Variants in SLC8A1 observed in about 807,000 individuals in gnomAD.
SLC8A1 encodes sodium/calcium exchanger 1.
Under a neutral mutation model 68.3 loss-of-function variants are expected in SLC8A1, and 18 were observed. The ratio of observed to expected loss-of-function variants is 0.26; its 90% CI spans 0.18 to 0.39. The LOEUF (loss-of-function observed/expected upper bound fraction) is 0.39. Among genes scored for constraint, SLC8A1 ranks in the 10% least tolerant of loss-of-function variants. The pLI is 1.00. For missense variants in SLC8A1, 985 were observed against 1,156.7 expected (o/e 0.85, Z 2.15); for synonymous variants, 475 against 415.5 (o/e 1.14, Z -1.74).
intron 1 of SLC8A1, among the ~76,000 whole-genome samples, chr2:40,478,873 G>A (rs563667148): frequency 2.6e-5 from 4 of 151,776 alleles, no homozygotes; most frequent in Admixed American, 1.3e-4. Flanking sequence ...CTGGGTTCAA[G>A]CAATTCTCAT....
chr2:40,192,364 A>AC (rs2052037557), intron 2 of SLC8A1, among the ~76,000 whole-genome samples: 1 of 151,800 alleles, frequency 6.6e-6, no homozygotes. Flanking sequence ...CTCCTTTTAG[A>AC]GTTTTTTTTA....
chr2:40,186,514 A>G (rs1312292005), intron 2 of SLC8A1, among the ~76,000 whole-genome samples: 4 of 152,202 alleles, frequency 2.6e-5, no homozygotes, highest in Non-Finnish European at 5.9e-5. Flanking sequence ...TTCAAGTGGA[A>G]TAAGGACAGG....
At chr2:40,097,816 A>T (rs1433773522) in exon 8 of SLC8A1, 3 of 152,012 alleles carry the variant, frequency 2.0e-5, no homozygotes. Flanking sequence ...TATTGGTGAT[A>T]TGGCAGCTGC....
At chr2:40,297,012 T>C (rs926313870) in intron 2 of SLC8A1, among the ~76,000 whole-genome samples, 2 of 152,092 alleles carry the variant, frequency 1.3e-5, no homozygotes, top group African/African-American at 2.4e-5. Context: ...TTTCTACATC[T>C]GGGTCATGTG....
Position 40,357,789 on chromosome 2 carries a change from C to T in SLC8A1, c.1808+70684G>A, listed in dbSNP as rs866426488. On this transcript the variant is annotated intron_variant, in intron 2 of 7. Coordinates refer to ENST00000406785, the Ensembl canonical transcript of SLC8A1. ...AATGGATTAAAAGCCCTAGCTTATACGACATTCCTTTAGTGCACATCATCC... is the reference window on the plus strand; with the variant it reads ...AATGGATTAAAAGCCCTAGCTTATATGACATTCCTTTAGTGCACATCATCC... Among the ~76,000 whole-genome samples, 57 of 152,186 alleles carry T rather than the reference C, an allele frequency of 3.7e-4. 1 individual carries two copies. Among genetic ancestry groups the T allele is most frequent in the Non-Finnish European group, 8.8e-5 (6 of 68,020 alleles).
chr2:40,435,386 G>A (rs1699190941), intron 1 of SLC8A1, among the ~76,000 whole-genome samples: 1 of 150,814 alleles, frequency 6.6e-6, no homozygotes. Context: ...CCAGCCTCAG[G>A]CTATCAGACC....
chr2:40,438,384 A>G (rs1177142428), intron 1 of SLC8A1, among the ~76,000 whole-genome samples: 1 of 152,116 alleles, frequency 6.6e-6, no homozygotes, highest in Non-Finnish European at 1.5e-5. Context: ...AAAAATCTGT[A>G]TATATAGTGA....
chr2:40,167,492 T>C (rs1401625112), intron 4 of SLC8A1, among the ~76,000 whole-genome samples: 3 of 152,208 alleles, frequency 2.0e-5, no homozygotes, highest in African/African-American at 4.8e-5. Context: ...AATAGTATAG[T>C]TGGTATGCAA....
intron 2 of SLC8A1, among the ~76,000 whole-genome samples, chr2:40,252,899 AT>A: frequency 2.7e-5 from 1 of 37,020 alleles, no homozygotes; most frequent in Non-Finnish European, 1.3e-4. Flanking sequence ...CAAATTTTAT[AT>A]GTATGTATAT....
At chr2:40,262,424 G>A (rs2064834576) in intron 2 of SLC8A1, among the ~76,000 whole-genome samples, 2 of 152,068 alleles carry the variant, frequency 1.3e-5, no homozygotes, top group Non-Finnish European at 2.9e-5. Context: ...ACCCAGTGGT[G>A]GACTGAATAA....
chr2:40,188,821 C>T (rs1412294620), intron 2 of SLC8A1, among the ~76,000 whole-genome samples: 2 of 152,202 alleles, frequency 1.3e-5, no homozygotes, highest in Non-Finnish European at 2.9e-5. Context: ...ACAAAATGCA[C>T]AGTGGCAAAT....
At chr2:40,161,170 C>G (rs2045611992) in intron 5 of SLC8A1, among the ~76,000 whole-genome samples, 1 of 152,148 alleles carries the variant, frequency 6.6e-6, no homozygotes, top group Non-Finnish European at 1.5e-5. Context: ...AATGCTTTGC[C>G]AACTTGCTTC....
At chr2:40,289,929 C>T (rs2068989652) in intron 2 of SLC8A1, among the ~76,000 whole-genome samples, 1 of 151,744 alleles carries the variant, frequency 6.6e-6, no homozygotes, top group South Asian at 2.1e-4. Context: ...GATTAGCAGA[C>T]AGGAATGGGA....
chr2:40,459,017 T>C (rs1703184503), intron 1 of SLC8A1, among the ~76,000 whole-genome samples: 1 of 152,144 alleles, frequency 6.6e-6, no homozygotes, highest in South Asian at 2.1e-4. Flanking sequence ...ACTCATTTCT[T>C]TATGGATTTT....
intron 2 of SLC8A1, among the ~76,000 whole-genome samples, chr2:40,400,072 T>C (rs1157888007): frequency 6.6e-6 from 1 of 152,174 alleles, no homozygotes; most frequent in Non-Finnish European, 1.5e-5. Context: ...ACGTACCCGC[T>C]GCTTGCTCAA....
At chr2:40,401,139 A>T (rs1352442128) in intron 2 of SLC8A1, among the ~76,000 whole-genome samples, 1 of 152,214 alleles carries the variant, frequency 6.6e-6, no homozygotes, top group Non-Finnish European at 1.5e-5. Flanking sequence ...CCTGATTGCA[A>T]GTCTTCTTAT....
chr2:40,219,679 CA>C (rs2058024481), intron 2 of SLC8A1, among the ~76,000 whole-genome samples: 2 of 152,074 alleles, frequency 1.3e-5, no homozygotes, highest in Non-Finnish European at 1.5e-5. Flanking sequence ...AGTTGTTAGC[CA>C]ATCAAACAAG....
intron 6 of SLC8A1, among the ~76,000 whole-genome samples, chr2:40,150,313 T>C (rs2043184498): frequency 6.6e-6 from 1 of 152,210 alleles, no homozygotes; most frequent in Non-Finnish European, 1.5e-5. Context: ...CAAGAAGTAA[T>C]GCTGCCAGTC....
chr2:40,365,316 CTTAA>C (rs2149489807), intron 2 of SLC8A1, among the ~76,000 whole-genome samples: 1 of 152,080 alleles, frequency 6.6e-6, no homozygotes, highest in South Asian at 2.1e-4. Flanking sequence ...TATTTTTATA[CTTAA>C]TTTATTGTGC....
Sources: gnomAD v4.1 joint callset for allele counts (sites outside exome capture counted in the v4.1 genomes callset) on GRCh38, gnomAD v4.1.1 for gene constraint, MANE v1.5 for transcripts, NCBI Gene and HGNC (gene_info 2026-07-23, HGNC 2026-07-21) for gene names.